The following GAA variants were observed in gnomAD, a reference collection of about 807,000 sequenced individuals.
GAA encodes alpha glucosidase, also known as lysosomal alpha-glucosidase.
GAA carries 88 observed loss-of-function variants against 103.9 expected under a neutral mutation model. The observed-to-expected ratio is 0.85, with a 90% CI of 0.71 to 1.01. GAA has a LOEUF of 1.01. Among genes scored for constraint, GAA ranks in the 50% least tolerant of loss-of-function variants. The pLI, the probability that GAA is intolerant of heterozygous loss-of-function variation, is 0.00. For synonymous variants in GAA, 572 were observed against 563.1 expected, an observed-to-expected ratio of 1.02 and a Z score of -0.22; for missense variants, 1,350 against 1,305.3, an observed-to-expected ratio of 1.03 and a Z score of -0.53.
chr17:80,106,339 C>T lies in GAA; in HGVS notation c.692+445C>T, dbSNP rs115695770. 7.9e-3 allele frequency among the ~76,000 whole-genome samples: 384 copies of T among 48,776 alleles called. 5 individuals are homozygous for T. Among genetic ancestry groups the T allele is most frequent in the African/African-American group, 0.021 (366 of 17,662 alleles). The allele number at this position is 48,776 out of a possible 152,430, so 32.0% of individuals were successfully genotyped here. Reference sequence around the variant, plus strand: ...CATAAGCAAGTCCATGCAGACACAGCGTCAGGGAGTGGTCATGCAGAGAGC... The same window carrying T: ...CATAAGCAAGTCCATGCAGACACAGTGTCAGGGAGTGGTCATGCAGAGAGC... On this transcript the variant is annotated intron_variant, in intron 3 of 19. Coordinates refer to ENST00000302262, the MANE Select transcript of GAA (RefSeq NM_000152.5).
In GAA at chr17:80,108,305, C is replaced by A. The variant is rs750030887; in HGVS notation, c.971C>A (p.Pro324Gln). The A allele has an allele frequency of 3.1e-6, 5 of 1,613,588 alleles. No individual in the cohort carries two copies. In the South Asian group the frequency reaches 4.4e-5, roughly 14 times the overall value. Residue 324 changes from proline to glutamine, a missense_variant, in exon 6 of 20, where the codon CCG becomes CAG. Coordinates refer to ENST00000302262, the MANE Select transcript of GAA (RefSeq NM_000152.5). The stretch of plus-strand genomic sequence containing the variant: ...TCCCTTCCAGATGTGGTCCTGCAGC[C>A]GAGCCCTGCCCTTAGCTGGAGGTCG... ...NSNAMDVVLQPSPALSWRSTG... is the reference protein window; with the variant it reads ...NSNAMDVVLQQSPALSWRSTG...
chr17:80,119,408 G>A lies in GAA; in HGVS notation c.*77G>A. On this transcript the variant is annotated 3_prime_UTR_variant, in exon 20 of 20. Transcript: ENST00000302262. ...CAGAGCCTGTGTGCGGGCAGCAGCT[G>A]TGTGCGGGCCTGGGGGTTGCATGTG... The A allele has an allele frequency of 7.9e-7, 1 of 1,273,638 alleles. No homozygotes were observed. The highest frequency in any genetic ancestry group is 1.9e-4 in the Middle Eastern group (1 of 5,284). The allele number at this position is 1,273,638 out of a possible 1,614,324, so 78.9% of individuals were successfully genotyped here. A position where few individuals can be genotyped will look rare whatever the true frequency, so the allele number is the denominator to read the frequency against.
chr17:80,113,973 G>C (rs112710614), intron 15 of GAA, among the ~76,000 whole-genome samples: 1 of 150,552 alleles, frequency 6.6e-6, no homozygotes. Flanking sequence ...AGCCGAGATC[G>C]CGCCACTGTA....
At chr17:80,111,922 G>A in intron 11 of GAA, 61 bp from the exon 12 acceptor site, 1 of 1,429,640 alleles carries the variant, frequency 7.0e-7, no homozygotes, top group Non-Finnish European at 9.8e-7. Flanking sequence ...GGGGGGCAGG[G>A]AGGGCACCTT....
chr17:80,119,454 A>T lies in GAA; in HGVS notation c.*123A>T. ...ATGTGTCACCTGGAGCTGGGCACTA[A>T]CCATTCCAAGCCGCCGCATCGCTTG... On this transcript the variant is annotated 3_prime_UTR_variant, in exon 20 of 20. Transcript: ENST00000302262. 1.2e-6 allele frequency: 1 copy of T among 844,582 alleles called. No individual in the cohort carries two copies. The highest frequency in any genetic ancestry group is 1.9e-5 in the Admixed American group (1 of 53,114). The allele number at this position is 844,582 out of a possible 1,614,324, so 52.3% of individuals were successfully genotyped here.
chr17:80,104,669 G>A lies in GAA; in HGVS notation c.83G>A (p.Gly28Glu), dbSNP rs886042598. The change falls in exon 2 of 20, where the codon GGG (glycine) becomes GAG (glutamate). Residue 28 changes from glycine (G) to glutamate (E), a missense_variant. Physicochemically the swap from Gly to Glu is moderately conservative, Grantham distance 98. Transcript: ENST00000302262. The surrounding 1 kb of genome is among the most constrained non-coding windows in gnomAD (Gnocchi z 4.0). Reference protein sequence around the residue: ...LVSLATAALLGHILLHDFLLV... With the variant: ...LVSLATAALLEHILLHDFLLV... Reference sequence around the variant, plus strand: ...TCCTTGGCAACCGCTGCACTCCTGGGGCACATCCTACTCCATGATTTCCTG... The same window carrying A: ...TCCTTGGCAACCGCTGCACTCCTGGAGCACATCCTACTCCATGATTTCCTG... The A allele has an allele frequency of 1.2e-6, 2 of 1,613,332 alleles. No homozygotes were observed. Among genetic ancestry groups the A allele is most frequent in the Non-Finnish European group, 8.5e-7 (1 of 1,179,974 alleles).
In GAA at chr17:80,113,328, C is replaced by T. The variant is rs758725073; in HGVS notation, c.2151C>T (p.His717=). 50 of 1,597,358 alleles carry T rather than the reference C, an allele frequency of 3.1e-5. No individual in the cohort carries two copies. The highest frequency in any genetic ancestry group is 3.3e-4 in the Middle Eastern group (2 of 6,056). The change falls in exon 15 of 20, where the codon CAC becomes CAT. Residue 717 remains histidine (H), a synonymous_variant. Transcript: ENST00000302262. ...PHLYTLFHQA[H]VAGETVARPL... The stretch of plus-strand genomic sequence containing the variant: ...TCTACACACTGTTCCACCAGGCCCA[C>T]GTCGCGGGGGAGACCGTGGCCCGGC...
At chr17:80,112,786 C>T (rs898648147) in intron 13 of GAA, 75 bp downstream of exon 13, 3 of 1,575,544 alleles carry the variant, frequency 1.9e-6, no homozygotes, top group Non-Finnish European at 2.6e-6. Flanking sequence ...CGGGGCCCCC[C>T]ACCCACTTAG....
intron 5 of GAA, 96 bp from the exon 6 acceptor site, chr17:80,108,194 G>A (rs2039139477): frequency 1.2e-6 from 2 of 1,600,960 alleles, no homozygotes; most frequent in African/African-American, 1.3e-5. Context: ...TGGGGAGAGA[G>A]CCTCAACTCT....
chr17:80,106,023 G>A, intron 3 of GAA, 129 bp downstream of exon 3: 2 of 1,303,640 alleles, frequency 1.5e-6, no homozygotes, highest in Non-Finnish European at 2.1e-6. Flanking sequence ...TCACACGGCG[G>A]GGAGGGCGAC....
intron 1 of GAA, chr17:80,102,602 A>C (rs1335699187): frequency 3.3e-5 from 5 of 152,282 alleles, no homozygotes; most frequent in Non-Finnish European, 7.3e-5. Context: ...TGTGGAACAC[A>C]CCAAGGCACT....
rs111551014 is a variant in GAA, at chr17:80,111,309, G to C, written c.1636+284G>C. ...TCAGAGCCGTCTCGATAGGCGCAGG[G>C]ACCATGCAGCGGAGACCTACCCACC... On this transcript the variant is annotated intron_variant, in intron 11 of 19. Coordinates refer to ENST00000302262, the MANE Select transcript of GAA (RefSeq NM_000152.5). Among the ~76,000 whole-genome samples, 2,448 of 152,334 alleles carry C rather than the reference G, an allele frequency of 0.016. 85 individuals are homozygous for C. The highest frequency in any genetic ancestry group is 0.057 in the African/African-American group (2,357 of 41,572).
At chr17:80,107,229 G>C (rs1478018511) in intron 3 of GAA, among the ~76,000 whole-genome samples, 1 of 152,234 alleles carries the variant, frequency 6.6e-6, no homozygotes, top group African/African-American at 2.4e-5. Flanking sequence ...GCCCAGCCTT[G>C]CTTGGGGTCA....
chr17:80,118,499 C>A, intron 18 of GAA, 142 bp downstream of exon 18: 3 of 1,383,184 alleles, frequency 2.2e-6, no homozygotes, highest in Non-Finnish European at 2.0e-6. Context: ...CTAGAGTGAG[C>A]AGTGGGGCCG....
intron 5 of GAA, 128 bp downstream of exon 5, chr17:80,108,024 A>G (rs998627466): frequency 1.2e-5 from 13 of 1,050,994 alleles, no homozygotes; most frequent in East Asian, 1.0e-4. Flanking sequence ...AATGAGTCCT[A>G]TGGGCTGATG....
chr17:80,110,350 G>A (rs2039202522), intron 9 of GAA, among the ~76,000 whole-genome samples: 1 of 152,144 alleles, frequency 6.6e-6, no homozygotes, highest in African/African-American at 2.4e-5. Flanking sequence ...CCCCCCAGGG[G>A]CCTCCAGGCA....
At chr17:80,115,665 G>C (rs1207511531) in intron 15 of GAA, among the ~76,000 whole-genome samples, 4 of 152,124 alleles carry the variant, frequency 2.6e-5, no homozygotes, top group Non-Finnish European at 5.9e-5. Flanking sequence ...TTTTGTTTCA[G>C]ACTGGACATT....
Position 80,119,449 on chromosome 17 carries a change from C to T in GAA, c.*118C>T. 2 of 873,498 alleles carry T rather than the reference C, an allele frequency of 2.3e-6. No individual in the cohort carries two copies. Among genetic ancestry groups the T allele is most frequent in the Non-Finnish European group, 3.8e-6 (2 of 520,280 alleles). The allele number at this position is 873,498 out of a possible 1,614,324, so 54.1% of individuals were successfully genotyped here. A position where few individuals can be genotyped will look rare whatever the true frequency, so the allele number is the denominator to read the frequency against. On this transcript the variant is annotated 3_prime_UTR_variant, in exon 20 of 20. Coordinates refer to ENST00000302262, the MANE Select transcript of GAA (RefSeq NM_000152.5). ...GTTGCATGTGTCACCTGGAGCTGGG[C>T]ACTAACCATTCCAAGCCGCCGCATC...
At chr17:80,117,534 G>T in intron 16 of GAA, 66 bp from the exon 17 acceptor site, 1 of 1,582,674 alleles carries the variant, frequency 6.3e-7, no homozygotes. Context: ...TGGAGAGCGT[G>T]GTTCCTGAGG....
Sources: allele counts gnomAD v4.1 joint callset (sites outside exome capture counted in the v4.1 genomes callset), GRCh38; gene constraint gnomAD v4.1.1; non-coding constraint Gnocchi (gnomAD v3.1); transcripts MANE v1.5; gene names NCBI Gene and HGNC (gene_info 2026-07-23, HGNC 2026-07-21).